The following SRGAP2B variants were observed in gnomAD, a reference collection of about 807,000 sequenced individuals.
SRGAP2B encodes the protein SLIT-ROBO Rho GTPase-activating protein 2B.
A neutral mutation model predicts 22.2 loss-of-function variants in SRGAP2B; 9 were observed. The observed-to-expected ratio is 0.41, with a 90% CI of 0.24 to 0.71. SRGAP2B has a LOEUF of 0.71. SRGAP2B is among the 30% of genes least tolerant of loss of function. The pLI is 0.35. For synonymous variants in SRGAP2B, 36 were observed against 87.4 expected (o/e 0.41, Z 3.28); for missense variants, 114 against 235.8 (o/e 0.48, Z 3.38).
intron 2 of SRGAP2B, among the ~76,000 whole-genome samples, chr1:145,019,970 C>T (rs1177569359): frequency 6.6e-6 from 1 of 151,162 alleles, no homozygotes; most frequent in Non-Finnish European, 1.5e-5. Flanking sequence ...TAGGGCTCCA[C>T]CTTAAGGCCT....
At chr1:144,907,122 G>A (rs1401465753) in intron 5 of SRGAP2B, among the ~76,000 whole-genome samples, 4 of 147,794 alleles carry the variant, frequency 2.7e-5, no homozygotes, top group African/African-American at 1.1e-4. Flanking sequence ...GAGAGTAGAA[G>A]TTGGGTGTGT....
chr1:144,983,727 C>A (rs1553615366), intron 3 of SRGAP2B, among the ~76,000 whole-genome samples: 1 of 140,314 alleles, frequency 7.1e-6, no homozygotes, highest in East Asian at 2.0e-4. Context: ...TTCCTTTATA[C>A]ACTCTGTAAT....
chr1:144,965,024 C>T lies in SRGAP2B; in HGVS notation c.261-9423G>A, dbSNP rs1667969550. ...CCGGTTCCTCACCCTCGGGGAGCAA[C>T]ATGGATAATCTCAGTGATACCTTGA... On this transcript the variant is annotated intron_variant, in intron 3 of 9. Coordinates refer to ENST00000612199, the Ensembl canonical transcript of SRGAP2B. The T allele has an allele frequency of 5.6e-5, 72 of 1,280,224 alleles. No individual in the cohort carries two copies. In the South Asian group the frequency reaches 8.5e-4, roughly 15 times the overall value. The allele number at this position is 1,280,224 out of a possible 1,614,324, so 79.3% of individuals were successfully genotyped here.
At position 144,995,046 on chromosome 1, in the gene SRGAP2B, G is replaced by A. The variant is rs1287863072; in HGVS notation, c.222C>T (p.Phe74=). 3.3e-5 allele frequency: 51 copies of A among 1,544,198 alleles called. 1 individual carries two copies. The highest frequency in any genetic ancestry group is 4.2e-5 in the Non-Finnish European group (48 of 1,145,390). ...CCTTGGTGCTGCATGTCTTGGCCAG[G>A]AAGCGTTCTGCCAGCTTCTCCAGGT... The change falls in exon 3 of 10, where the codon TTC becomes TTT. Residue 74 remains phenylalanine, a synonymous_variant. Coordinates refer to ENST00000612199, the Ensembl canonical transcript of SRGAP2B.
At position 145,023,716 on chromosome 1, in the gene SRGAP2B, C is replaced by T. The variant is rs587665456; in HGVS notation, c.68-28516G>A. ...TTTAATTCAAACCACTTCAATCCAACAAATCTTTACTGAGCACCTACTACT... is the reference window on the plus strand; with the variant it reads ...TTTAATTCAAACCACTTCAATCCAATAAATCTTTACTGAGCACCTACTACT... On this transcript the variant is annotated intron_variant, in intron 2 of 9. Transcript: ENST00000612199. Among the ~76,000 whole-genome samples the T allele has an allele frequency of 9.3e-5, 13 of 139,184 alleles. 2 individuals carry two copies. The highest frequency in any genetic ancestry group is 2.8e-4 in the African/African-American group (11 of 38,652). The allele number at this position is 139,184 out of a possible 152,430, so 91.3% of individuals were successfully genotyped here.
chr1:144,992,181 C>T (rs6600691), intron 3 of SRGAP2B, among the ~76,000 whole-genome samples: 5 of 150,310 alleles, frequency 3.3e-5, no homozygotes, highest in South Asian at 4.2e-4. Flanking sequence ...AGTGAGACCA[C>T]GAACCCACCA....
chr1:144,974,483 G>T (rs1489116395), intron 3 of SRGAP2B, among the ~76,000 whole-genome samples: 1 of 146,774 alleles, frequency 6.8e-6, no homozygotes, highest in Non-Finnish European at 1.5e-5. Context: ...GTGTCTGGAG[G>T]AAAGAGAAAT....
intron 4 of SRGAP2B, among the ~76,000 whole-genome samples, chr1:144,937,324 GA>G: frequency 6.9e-6 from 1 of 145,902 alleles, no homozygotes; most frequent in East Asian, 2.0e-4. Flanking sequence ...GGGAGTCTGG[GA>G]AAGTCAAATT....
At chr1:144,904,300 T>C (rs1211974780) in intron 7 of SRGAP2B, among the ~76,000 whole-genome samples, 1 of 138,034 alleles carries the variant, frequency 7.2e-6, no homozygotes, top group African/African-American at 2.8e-5. Flanking sequence ...CCGAGAAACC[T>C]TAAATGCTAT....
chr1:145,080,797 C>T (rs473338), intron 2 of SRGAP2B, among the ~76,000 whole-genome samples: 1 of 149,402 alleles, frequency 6.7e-6, no homozygotes, highest in African/African-American at 2.5e-5. Context: ...TTAGGTGATC[C>T]GCCTGCCTCG....
At chr1:144,982,909 GT>G (rs1201969238) in intron 3 of SRGAP2B, among the ~76,000 whole-genome samples, 11 of 148,802 alleles carry the variant, frequency 7.4e-5, no homozygotes, top group African/African-American at 2.5e-4. Context: ...ATGACCTAAG[GT>G]TCTACATGAA....
At chr1:144,947,495 C>G (rs1326223822) in intron 4 of SRGAP2B, among the ~76,000 whole-genome samples, 1 of 150,072 alleles carries the variant, frequency 6.7e-6, no homozygotes, top group Non-Finnish European at 1.5e-5. Context: ...GTGACTGATT[C>G]ACTAATGGCA....
intron 4 of SRGAP2B, among the ~76,000 whole-genome samples, chr1:144,939,339 A>G (rs584471): frequency 0.038 from 5,715 of 150,088 alleles, 711 homozygotes; most frequent in African/African-American, 0.14. Flanking sequence ...AGAATCCTGG[A>G]AGCAGGTAAT....
At chr1:144,996,767 AG>A (rs1670709307) in intron 2 of SRGAP2B, among the ~76,000 whole-genome samples, 1 of 120,710 alleles carries the variant, frequency 8.3e-6, no homozygotes, top group South Asian at 3.2e-4. Context: ...AATGCCAACC[AG>A]CCCTGCAGTA....
intron 4 of SRGAP2B, among the ~76,000 whole-genome samples, chr1:144,930,562 T>C (rs1366212903): frequency 6.7e-6 from 1 of 149,464 alleles, no homozygotes; most frequent in Non-Finnish European, 1.5e-5. Context: ...AAGCTCTATA[T>C]GGGGCCATCT....
intron 4 of SRGAP2B, chr1:144,919,942 C>G (rs1395942251): frequency 1.3e-5 from 2 of 149,668 alleles, no homozygotes; most frequent in Non-Finnish European, 2.9e-5. Context: ...TCACTGACTT[C>G]AAGAATGAAG....
At chr1:144,993,341 A>T (rs1205640746) in intron 3 of SRGAP2B, among the ~76,000 whole-genome samples, 1 of 150,908 alleles carries the variant, frequency 6.6e-6, no homozygotes, top group Non-Finnish European at 1.5e-5. Context: ...CTGGAGTAGG[A>T]CCTGAGATAC....
chr1:145,022,962 C>G (rs1390942064), intron 2 of SRGAP2B, among the ~76,000 whole-genome samples: 1 of 149,670 alleles, frequency 6.7e-6, no homozygotes, highest in East Asian at 2.0e-4. Context: ...GTCAAGAGAT[C>G]GAGACCATCC....
At chr1:144,911,963 T>C in intron 5 of SRGAP2B, among the ~76,000 whole-genome samples, 1 of 136,800 alleles carries the variant, frequency 7.3e-6, no homozygotes, top group African/African-American at 3.0e-5. Context: ...TTTTTTTTTT[T>C]TTTTTGAGAC....
Sources: allele counts gnomAD v4.1 joint callset (sites outside exome capture counted in the v4.1 genomes callset), GRCh38; gene constraint gnomAD v4.1.1; transcripts MANE v1.5; gene names NCBI Gene and HGNC (gene_info 2026-07-23, HGNC 2026-07-21).